SLC8A1: variants seen among roughly 807,000 people sequenced by gnomAD.
The protein encoded by SLC8A1 is solute carrier family 8 member A1.
A neutral mutation model predicts 68.3 loss-of-function variants in SLC8A1; 18 were observed. That is an observed-to-expected ratio of 0.26 (90% confidence interval 0.18 to 0.39). The LOEUF is 0.39. SLC8A1 is among the 10% of genes least tolerant of loss of function. SLC8A1 has a pLI of 1.00. For synonymous variants in SLC8A1, 475 were observed against 415.5 expected, an observed-to-expected ratio of 1.14 and a Z score of -1.74; for missense variants, 985 against 1,156.7, an observed-to-expected ratio of 0.85 and a Z score of 2.15.
At chr2:40,167,010 T>C (rs979984548) in intron 4 of SLC8A1, among the ~76,000 whole-genome samples, 1 of 152,176 alleles carries the variant, frequency 6.6e-6, no homozygotes, top group Non-Finnish European at 1.5e-5. Context: ...GCAATCTACC[T>C]AGAAAAAATA....
At chr2:40,159,745 CAA>C (rs2045323392) in intron 6 of SLC8A1, among the ~76,000 whole-genome samples, 2 of 152,094 alleles carry the variant, frequency 1.3e-5, no homozygotes, top group Non-Finnish European at 2.9e-5. Flanking sequence ...ACTATATATT[CAA>C]TTGCAAAAAA....
intron 1 of SLC8A1, among the ~76,000 whole-genome samples, chr2:40,439,603 T>C (rs1367234675): frequency 6.6e-6 from 1 of 152,150 alleles, no homozygotes; most frequent in Non-Finnish European, 1.5e-5. Flanking sequence ...TAATCTTTTT[T>C]AACAAGGTAA....
At chr2:40,119,184 C>A (rs1027123685) in intron 7 of SLC8A1, among the ~76,000 whole-genome samples, 3 of 152,126 alleles carry the variant, frequency 2.0e-5, no homozygotes, top group African/African-American at 7.2e-5. Context: ...AAATGTCTTT[C>A]TTTGAATTTC....
intron 1 of SLC8A1, among the ~76,000 whole-genome samples, chr2:40,472,492 T>A (rs972188927): frequency 6.6e-6 from 1 of 152,184 alleles, no homozygotes; most frequent in Non-Finnish European, 1.5e-5. Context: ...GTTTCATAGA[T>A]GAAACAAAGA....
intron 2 of SLC8A1, among the ~76,000 whole-genome samples, chr2:40,239,036 A>T (rs1410531099): frequency 7.0e-6 from 1 of 142,314 alleles, no homozygotes; most frequent in Non-Finnish European, 1.5e-5. Context: ...AATGAATTTT[A>T]ATGAAATTGC....
chr2:40,365,419 C>T (rs1021748710), intron 2 of SLC8A1, among the ~76,000 whole-genome samples: 28 of 151,972 alleles, frequency 1.8e-4, no homozygotes, highest in African/African-American at 5.8e-4. Flanking sequence ...TACAATTATC[C>T]GAATATTTGG....
At chr2:40,319,886 C>G (rs939469418) in intron 2 of SLC8A1, among the ~76,000 whole-genome samples, 3 of 152,096 alleles carry the variant, frequency 2.0e-5, no homozygotes, top group African/African-American at 4.8e-5. Context: ...GTGGAGAGAG[C>G]TTACCAATGT....
At chr2:40,122,552 G>A (rs2037143707) in intron 7 of SLC8A1, among the ~76,000 whole-genome samples, 1 of 152,202 alleles carries the variant, frequency 6.6e-6, no homozygotes, top group Non-Finnish European at 1.5e-5. Context: ...AGCTACAAAT[G>A]AGAGTCAGCA....
intron 1 of SLC8A1, among the ~76,000 whole-genome samples, chr2:40,485,308 ACTT>A (rs934570249): frequency 6.6e-6 from 1 of 152,190 alleles, no homozygotes; most frequent in African/African-American, 2.4e-5. Context: ...CGATTGTAGA[ACTT>A]CTCCTAACAA....
chr2:40,380,121 CTGTT>C (rs1681261074), intron 2 of SLC8A1, among the ~76,000 whole-genome samples: 2 of 152,150 alleles, frequency 1.3e-5, no homozygotes, highest in African/African-American at 4.8e-5. Flanking sequence ...TTACAAAGCA[CTGTT>C]TGTTGTTCTA....
At chr2:40,294,494 A>T (rs1219082574) in intron 2 of SLC8A1, among the ~76,000 whole-genome samples, 2 of 152,108 alleles carry the variant, frequency 1.3e-5, no homozygotes, top group African/African-American at 4.8e-5. Flanking sequence ...TTACTGATAA[A>T]ACACCTAGGG....
chr2:40,356,779 C>T (rs1042664149), intron 2 of SLC8A1, among the ~76,000 whole-genome samples: 17 of 152,270 alleles, frequency 1.1e-4, no homozygotes, highest in Middle Eastern at 3.4e-3. Flanking sequence ...GTCAACTCTC[C>T]CAACTCTGCA....
intron 2 of SLC8A1, among the ~76,000 whole-genome samples, chr2:40,328,934 CCAA>C (rs2076126901): frequency 6.6e-6 from 1 of 152,002 alleles, no homozygotes; most frequent in African/African-American, 2.4e-5. Context: ...ACTTGTCTGC[CCAA>C]GGACTTCCAG....
At chr2:40,151,966 T>C (rs1484732594) in intron 6 of SLC8A1, among the ~76,000 whole-genome samples, 1 of 152,228 alleles carries the variant, frequency 6.6e-6, no homozygotes, top group Non-Finnish European at 1.5e-5. Context: ...ATTTACTTTG[T>C]GATATCCAAT....
intron 2 of SLC8A1, among the ~76,000 whole-genome samples, chr2:40,210,686 A>G (rs1157440289): frequency 6.6e-6 from 1 of 152,194 alleles, no homozygotes; most frequent in African/African-American, 2.4e-5. Flanking sequence ...ATTCAGTATT[A>G]TCTAATGAAT....
chr2:40,465,847 G>A (rs2149897887), intron 1 of SLC8A1, among the ~76,000 whole-genome samples: 1 of 152,282 alleles, frequency 6.6e-6, no homozygotes, highest in South Asian at 2.1e-4. Context: ...TGCATTGGAA[G>A]TGTTTAGGTC....
intron 2 of SLC8A1, among the ~76,000 whole-genome samples, chr2:40,323,318 A>G (rs1021248412): frequency 2.7e-4 from 41 of 152,188 alleles, no homozygotes; most frequent in South Asian, 6.2e-4. Flanking sequence ...GATGTAACTT[A>G]AGACTTTAAG....
intron 2 of SLC8A1, among the ~76,000 whole-genome samples, chr2:40,363,883 G>A (rs111839835): frequency 1.3e-5 from 2 of 151,936 alleles, no homozygotes; most frequent in Non-Finnish European, 2.9e-5. Flanking sequence ...TACGCAAGAC[G>A]TTTTTCCAAG....
intron 2 of SLC8A1, among the ~76,000 whole-genome samples, chr2:40,253,261 A>G (rs976807956): frequency 5.3e-5 from 8 of 150,630 alleles, no homozygotes; most frequent in Non-Finnish European, 1.2e-4. Context: ...ATGTATACAT[A>G]TATACATGTA....
Sources: allele counts gnomAD v4.1 joint callset (sites outside exome capture counted in the v4.1 genomes callset), GRCh38; gene constraint gnomAD v4.1.1; transcripts MANE v1.5; gene names NCBI Gene and HGNC (gene_info 2026-07-23, HGNC 2026-07-21).